Variants in RALGDS observed in about 807,000 individuals in gnomAD.
RALGDS encodes the protein ral guanine nucleotide dissociation stimulator.
Under a neutral mutation model 99.8 loss-of-function variants are expected in RALGDS, and 44 were observed. That is an observed-to-expected ratio of 0.44 (90% CI 0.35 to 0.57). The LOEUF (loss-of-function observed/expected upper bound fraction) is 0.57, where lower values mean the gene tolerates loss of function less well. RALGDS is among the 20% of genes least tolerant of loss of function. RALGDS has a pLI of 0.01. For missense variants in RALGDS, 1,022 were observed against 1,203.1 expected, an observed-to-expected ratio of 0.85 and a Z score of 2.23; for synonymous variants, 529 against 505.0, an observed-to-expected ratio of 1.05 and a Z score of -0.64.
chr9:133,102,168 G>T, intron 14 of RALGDS, 29 bp from the exon 15 acceptor site: 1 of 1,549,244 alleles, frequency 6.5e-7, no homozygotes, highest in African/African-American at 1.4e-5. Flanking sequence ...TAGTTAAGGG[G>T]GCTCCCCAAG....
In RALGDS at chr9:133,109,646, T is replaced by TCCA; in HGVS notation, c.561_563dup (p.Gly188dup). ...CTCACTTTTTAAGTTGGTCCTGGGG[T>TCCA]CCACCATCCTCGTCGGAATAGGGGA... On this transcript the variant is annotated inframe_insertion, in exon 4 of 18. Coordinates refer to ENST00000372050, the MANE Select transcript of RALGDS (RefSeq NM_006266.4). 1.2e-6 allele frequency: 2 copies of TCCA among 1,613,732 alleles called. No homozygotes were observed. The highest frequency in any genetic ancestry group is 1.7e-6 in the Non-Finnish European group (2 of 1,179,866).
chr9:133,122,485 C>G (rs1417923407), upstream of RALGDS, among the ~76,000 whole-genome samples: 1 of 152,188 alleles, frequency 6.6e-6, no homozygotes, highest in East Asian at 1.9e-4. Flanking sequence ...TTGCCCCCTT[C>G]CCAAGTGCCA....
rs536517748 is a variant in RALGDS at position 133,100,065 on chromosome 9, G to A, written c.2569+203C>T. 5 of 644,988 alleles carry A rather than the reference G, an allele frequency of 7.8e-6. No individual in the cohort carries two copies. In the East Asian group the frequency reaches 7.8e-5, roughly 10 times the overall value. The allele number at this position is 644,988 out of a possible 1,614,324, so 40.0% of individuals were successfully genotyped here. A position where few individuals can be genotyped will look rare whatever the true frequency, so the allele number is the denominator to read the frequency against. On this transcript the variant is annotated intron_variant, in intron 17 of 17. Coordinates refer to ENST00000372050, the MANE Select transcript of RALGDS (RefSeq NM_006266.4). Reference sequence around the variant, plus strand: ...TGTGAGCTTTGAACTGCCTGTTCACGCCTAGGGAAGGGCACACACTGGGGA... The same window carrying A: ...TGTGAGCTTTGAACTGCCTGTTCACACCTAGGGAAGGGCACACACTGGGGA...
At chr9:133,147,842 C>A (rs6597602) in intron 1 of RALGDS, among the ~76,000 whole-genome samples, 56,964 of 152,004 alleles carry the variant, frequency 0.37, 11,449 homozygotes, top group African/African-American at 0.51. Flanking sequence ...TAATTCAAGG[C>A]GCCTCAGAAG....
At chr9:133,105,001 C>CA (rs1316969813) in intron 9 of RALGDS, among the ~76,000 whole-genome samples, 5 of 152,180 alleles carry the variant, frequency 3.3e-5, no homozygotes, top group Non-Finnish European at 7.4e-5. Flanking sequence ...CTGGGCCCCC[C>CA]AGGGACTCAG....
chr9:133,121,226 G>A lies in RALGDS; in HGVS notation c.-72C>T. 1.0e-6 allele frequency: 1 copy of A among 978,374 alleles called. No individual in the cohort carries two copies. The highest frequency in any genetic ancestry group is 1.2e-6 in the Non-Finnish European group (1 of 824,364). 60.6% of individuals were successfully genotyped at this position (978,374 alleles called of 1,614,324 possible). On this transcript the variant is annotated 5_prime_UTR_variant, in exon 1 of 18. Coordinates refer to ENST00000372050, the MANE Select transcript of RALGDS (RefSeq NM_006266.4). ...GGCGGCGGCGCGGCCCGCGCGGCTG[G>A]GCTTTGCCACCGCTGTGAGCCCGCG...
chr9:133,117,743 AC>A (rs1157369508), intron 1 of RALGDS, among the ~76,000 whole-genome samples: 7 of 152,264 alleles, frequency 4.6e-5, no homozygotes, highest in African/African-American at 1.7e-4. Flanking sequence ...CTGGGTGGCC[AC>A]AGCATGGTGG....
Position 133,098,365 on chromosome 9 carries a change from T to C in RALGDS, c.*222A>G. ...TGGCAAAAGTCAGCTAGTCCTCTGG[T>C]TCCAGAGAGCAGAAGGCACCTAAGG... On this transcript the variant is annotated 3_prime_UTR_variant, in exon 18 of 18. Coordinates refer to ENST00000372050, the MANE Select transcript of RALGDS (RefSeq NM_006266.4). 1 of 583,730 alleles carries C rather than the reference T, an allele frequency of 1.7e-6. No homozygotes were observed. The highest frequency in any genetic ancestry group is 3.1e-6 in the Non-Finnish European group (1 of 327,140). The allele number at this position is 583,730 out of a possible 1,614,324, so 36.2% of individuals were successfully genotyped here.
chr9:133,102,571 G>A lies in RALGDS; in HGVS notation c.1914C>T (p.Ser638=), dbSNP rs371528118. The A allele has an allele frequency of 6.2e-7, 1 of 1,613,838 alleles. No individual in the cohort carries two copies. The highest frequency in any genetic ancestry group is 2.2e-5 in the East Asian group (1 of 44,898). ...RAVERLSETE[S]YNLSCELEPP... The stretch of plus-strand genomic sequence containing the variant: ...GCTCCAGCTCGCACGACAGGTTGTA[G>A]CTATGAGCAGAGGGGCAGTGGTGTG... The change falls in exon 14 of 18, where the codon AGC becomes AGT. Residue 638 remains serine (S), a splice_region_variant and synonymous_variant. Transcript: ENST00000372050.
intron 8 of RALGDS, 67 bp downstream of exon 8, chr9:133,106,578 A>C: frequency 2.4e-6 from 3 of 1,259,806 alleles, no homozygotes; most frequent in Non-Finnish European, 3.4e-6. Flanking sequence ...TGGGCTCACT[A>C]AGGGGGTGAT....
At chr9:133,145,508 C>A (rs1039772176) in intron 1 of RALGDS, among the ~76,000 whole-genome samples, 1 of 151,414 alleles carries the variant, frequency 6.6e-6, no homozygotes, top group East Asian at 1.9e-4. Flanking sequence ...TTCAGATGTT[C>A]GTAAAAATCA....
rs1268368053 is a variant in RALGDS at position 133,101,590 on chromosome 9, T to C, written c.2384A>G (p.Gln795Arg). Residue 795 changes from glutamine to arginine, a missense_variant, in exon 16 of 18, where the codon CAG becomes CGG. Gln to Arg is a conservative substitution (Grantham distance 43). Coordinates refer to ENST00000372050, the MANE Select transcript of RALGDS (RefSeq NM_006266.4). ...GCGGATGATACAGCAGTCGCCCACC[T>C]GCTGGTTGTAGAGCGGCAGCGCGGA... ...SSSALPLYNQ[Q>R]VGDCCIIRVS... 6.2e-7 allele frequency: 1 copy of C among 1,612,896 alleles called. No individual in the cohort carries two copies. Among genetic ancestry groups the C allele is most frequent in the African/African-American group, 1.3e-5 (1 of 75,078 alleles).
upstream of RALGDS, among the ~76,000 whole-genome samples, chr9:133,135,704 T>C (rs1564253282): frequency 6.6e-6 from 1 of 152,148 alleles, no homozygotes; most frequent in Admixed American, 6.5e-5. Context: ...CAGGTTCCTT[T>C]CCCTTGCTGA....
At chr9:133,127,975 G>T (rs1270414306) in intron 1 of RALGDS, among the ~76,000 whole-genome samples, 1 of 152,236 alleles carries the variant, frequency 6.6e-6, no homozygotes, top group Non-Finnish European at 1.5e-5. Flanking sequence ...GGGGCTCGCT[G>T]TGGGGCCCTG....
rs748456315 is a variant in RALGDS at position 133,110,438 on chromosome 9, C to T, written c.346G>A (p.Val116Met). Residue 116 changes from valine (V) to methionine (M), a missense_variant, in exon 3 of 18, where the codon GTG becomes ATG. This residue lies in a region of RALGDS where 180 missense variants were observed against 169.3 expected (regional missense o/e 1.06). Coordinates refer to ENST00000372050, the MANE Select transcript of RALGDS (RefSeq NM_006266.4). ...NLYETCKVRT[V>M]KAGTLEKLVE... ...AGCTTCTCCAGCGTGCCAGCCTTCACGGTCCGCACCTTGCAAGTCTCATAA... is the reference window on the plus strand; with the variant it reads ...AGCTTCTCCAGCGTGCCAGCCTTCATGGTCCGCACCTTGCAAGTCTCATAA... The T allele has an allele frequency of 2.2e-5, 36 of 1,613,348 alleles. No individual in the cohort carries two copies. The highest frequency in any genetic ancestry group is 2.2e-5 in the South Asian group (2 of 91,084).
rs561214122 is a variant in RALGDS, at chr9:133,106,496, G to C, written c.1517+149C>G. 9 of 633,102 alleles carry C rather than the reference G, an allele frequency of 1.4e-5. No homozygotes were observed. In the African/African-American group the frequency reaches 1.4e-4, roughly 10 times the overall value. 39.2% of individuals were successfully genotyped at this position (633,102 alleles called of 1,614,324 possible). A position where few individuals can be genotyped will look rare whatever the true frequency, so the allele number is the denominator to read the frequency against. On this transcript the variant is annotated intron_variant, in intron 8 of 17. Transcript: ENST00000372050. ...CCACCATCTGACAGCTTAGGAAGCC[G>C]AGCTCTGAGGCAGAGCTGCTGCCAA...
At chr9:133,148,968 A>G in exon 1 of RALGDS, 2 of 1,601,362 alleles carry the variant, frequency 1.2e-6, no homozygotes, top group South Asian at 2.3e-5. Flanking sequence ...CTCACCTGGC[A>G]ATCTACCATC....
At chr9:133,132,595 G>T (rs551095687), upstream of RALGDS, among the ~76,000 whole-genome samples, 1 of 152,072 alleles carries the variant, frequency 6.6e-6, no homozygotes, top group African/African-American at 2.4e-5. Context: ...TTGGTTGGGT[G>T]GGGGGCTTAA....
rs766394194 is a variant in RALGDS, at chr9:133,100,305, C to T, written c.2532G>A (p.Glu844=). 11 of 1,614,110 alleles carry T rather than the reference C, an allele frequency of 6.8e-6. No individual in the cohort carries two copies. The highest frequency in any genetic ancestry group is 9.3e-6 in the Non-Finnish European group (11 of 1,180,044). The change falls in exon 17 of 18, where the codon GAG becomes GAA. Residue 844 remains glutamate, a synonymous_variant. Transcript: ENST00000372050. ...AGAGAATCTGCAGCAGCTCATAGTC[C>T]TCCGGCTCCTCCTCCTCCAGGTTGT... is the stretch of plus-strand genomic sequence containing the variant. The part of the protein sequence containing the change: ...DKHNLEEEEP[E]DYELLQILSD...
Sources: gnomAD v4.1 joint callset for allele counts (sites outside exome capture counted in the v4.1 genomes callset) on GRCh38, gnomAD v4.1.1 for gene constraint, gnomAD v4.1.1 regional missense constraint, MANE v1.5 for transcripts, NCBI Gene and HGNC (gene_info 2026-07-23, HGNC 2026-07-21) for gene names.